The following NIBAN1 variants were observed in gnomAD, a reference collection of about 807,000 sequenced individuals.
The protein encoded by NIBAN1 is protein Niban 1.
Under a neutral mutation model 75.1 loss-of-function variants are expected in NIBAN1, and 81 were observed. The ratio of observed to expected loss-of-function variants is 1.08; its 90% CI spans 0.90 to 1.30. NIBAN1 has a LOEUF of 1.30. Ranked by LOEUF, NIBAN1 falls within the 50% of genes most tolerant of loss-of-function variation. NIBAN1 has a pLI of 0.00. For missense variants in NIBAN1, 1,133 were observed against 1,128.1 expected (o/e 1.00, Z -0.06); for synonymous variants, 436 against 424.8 (o/e 1.03, Z -0.32).
intron 11 of NIBAN1, among the ~76,000 whole-genome samples, chr1:184,805,323 C>T (rs1313025166): frequency 6.6e-6 from 1 of 152,224 alleles, no homozygotes; most frequent in Non-Finnish European, 1.5e-5. Context: ...AATTAAGTCA[C>T]ATTAGCTTTT....
intron 1 of NIBAN1, among the ~76,000 whole-genome samples, chr1:184,919,044 A>G (rs1657463589): frequency 6.6e-6 from 1 of 152,214 alleles, no homozygotes; most frequent in Admixed American, 6.5e-5. Context: ...TTCCAAAACT[A>G]TTCTTTTTCT....
At chr1:184,952,553 A>C (rs532029298) in intron 1 of NIBAN1, among the ~76,000 whole-genome samples, 2 of 152,352 alleles carry the variant, frequency 1.3e-5, no homozygotes, top group African/African-American at 4.8e-5. Flanking sequence ...AACACTAAGG[A>C]TAGCTAATGA....
At chr1:184,814,655 T>C (rs1283706102) in intron 9 of NIBAN1, among the ~76,000 whole-genome samples, 2 of 152,230 alleles carry the variant, frequency 1.3e-5, no homozygotes, top group Non-Finnish European at 2.9e-5. Flanking sequence ...GATTCTATTT[T>C]GTAATATCCA....
At chr1:184,824,910 C>A (rs568578291) in intron 6 of NIBAN1, among the ~76,000 whole-genome samples, 6 of 152,160 alleles carry the variant, frequency 3.9e-5, no homozygotes, top group Non-Finnish European at 8.8e-5. Context: ...GGCATTGACA[C>A]ACATAGCTAC....
chr1:184,837,473 A>G (rs1655171862), intron 5 of NIBAN1, among the ~76,000 whole-genome samples: 1 of 152,216 alleles, frequency 6.6e-6, no homozygotes, highest in South Asian at 2.1e-4. Context: ...GCTGGTCAGT[A>G]GCAGAGCCAA....
intron 5 of NIBAN1, among the ~76,000 whole-genome samples, chr1:184,859,893 GA>G (rs922039341): frequency 4.6e-5 from 7 of 152,154 alleles, no homozygotes; most frequent in African/African-American, 1.7e-4. Flanking sequence ...CAGGAAAGCG[GA>G]CAGCTGATGA....
intron 12 of NIBAN1, 80 bp from the exon 13 acceptor site, chr1:184,798,270 C>A: frequency 1.2e-6 from 1 of 821,236 alleles, no homozygotes; most frequent in Non-Finnish European, 1.9e-6. Flanking sequence ...AAGGACGATT[C>A]CCACTCATGA....
Position 184,872,794 on chromosome 1 carries a change from T to G in NIBAN1, c.601+11839A>C, listed in dbSNP as rs187238921. Among the ~76,000 whole-genome samples, 15 of 150,592 alleles carry G rather than the reference T, an allele frequency of 1.0e-4. No individual in the cohort carries two copies. In the East Asian group the frequency reaches 2.9e-3, roughly 29 times the overall value. ...CAGATTTCTGAAAAGAGACAGGGAA[T>G]AGAGGAAAAGAGGAAATAATGGCTG... On this transcript the variant is annotated intron_variant, in intron 5 of 13. Transcript: ENST00000367511.
rs557896989 is a variant in NIBAN1, at chr1:184,856,087, C to G, written c.602-24125G>C. ...GATTGGGGATACTGATTACTTCTGACTTATTCCCATATTTTTCTAGTTATA... is the reference window on the plus strand; with the variant it reads ...GATTGGGGATACTGATTACTTCTGAGTTATTCCCATATTTTTCTAGTTATA... On this transcript the variant is annotated intron_variant, in intron 5 of 13. Coordinates refer to ENST00000367511, the MANE Select transcript of NIBAN1 (RefSeq NM_052966.4). 5.3e-5 allele frequency among the ~76,000 whole-genome samples: 8 copies of G among 152,290 alleles called. No homozygotes were observed. In the East Asian group the frequency reaches 1.3e-3, roughly 26 times the overall value.
intron 5 of NIBAN1, among the ~76,000 whole-genome samples, chr1:184,875,614 C>G (rs893006540): frequency 6.6e-6 from 1 of 152,284 alleles, no homozygotes; most frequent in Middle Eastern, 3.4e-3. Context: ...CTGCCACAGG[C>G]TGTTCATAAG....
chr1:184,801,460 T>G (rs1387790429), intron 12 of NIBAN1, among the ~76,000 whole-genome samples: 1 of 152,196 alleles, frequency 6.6e-6, no homozygotes, highest in Non-Finnish European at 1.5e-5. Flanking sequence ...CCTCTGTCTC[T>G]TCCTCTGCTA....
intron 13 of NIBAN1, 68 bp from the exon 14 acceptor site, chr1:184,796,165 C>A: frequency 6.9e-7 from 1 of 1,457,762 alleles, no homozygotes. Context: ...CCCTTTCAGC[C>A]TCTCTGGCTA....
intron 12 of NIBAN1, among the ~76,000 whole-genome samples, chr1:184,800,083 T>A (rs1186526662): frequency 7.4e-6 from 1 of 135,138 alleles, no homozygotes; most frequent in African/African-American, 3.0e-5. Context: ...GGTATCTCAT[T>A]GTGGTTTTGA....
intron 12 of NIBAN1, among the ~76,000 whole-genome samples, chr1:184,799,935 C>A (rs1217786156): frequency 1.0e-5 from 1 of 97,452 alleles, no homozygotes; most frequent in South Asian, 3.5e-4. Context: ...TTAGTAGAGA[C>A]GGGGTTTCAC....
chr1:184,936,495 T>G (rs1350466791), intron 1 of NIBAN1, among the ~76,000 whole-genome samples: 1 of 152,186 alleles, frequency 6.6e-6, no homozygotes, highest in Non-Finnish European at 1.5e-5. Flanking sequence ...AACAGAAACT[T>G]CCTCTGCAGT....
intron 1 of NIBAN1, among the ~76,000 whole-genome samples, chr1:184,899,807 C>CTTT (rs66802117): frequency 6.7e-4 from 67 of 100,344 alleles, no homozygotes; most frequent in Admixed American, 8.2e-4. Flanking sequence ...ACATCACTCT[C>CTTT]TTTTTTTTTT....
intron 5 of NIBAN1, among the ~76,000 whole-genome samples, chr1:184,845,344 A>G (rs2102257510): frequency 6.6e-6 from 1 of 152,360 alleles, no homozygotes; most frequent in Non-Finnish European, 1.5e-5. Context: ...ACAAAATAAG[A>G]TGGGATTACT....
chr1:184,928,803 A>G (rs1657748601), intron 1 of NIBAN1, among the ~76,000 whole-genome samples: 1 of 152,058 alleles, frequency 6.6e-6, no homozygotes, highest in Non-Finnish European at 1.5e-5. Context: ...TGATCACCTG[A>G]TTTTTGGTTC....
intron 1 of NIBAN1, among the ~76,000 whole-genome samples, chr1:184,936,297 G>A (rs903078078): frequency 9.2e-5 from 14 of 152,148 alleles, no homozygotes; most frequent in African/African-American, 3.4e-4. Flanking sequence ...TTCAGCAGCA[G>A]ACAGTCTCCC....
Sources: allele counts gnomAD v4.1 joint callset (sites outside exome capture counted in the v4.1 genomes callset), GRCh38; gene constraint gnomAD v4.1.1; transcripts MANE v1.5; gene names NCBI Gene and HGNC (gene_info 2026-07-23, HGNC 2026-07-21).